Variants in EFCAB5 observed in about 807,000 individuals in gnomAD.
EFCAB5 encodes the protein EF-hand calcium binding domain 5, also known as EF-hand calcium-binding domain-containing protein 5.
A neutral mutation model predicts 167.9 loss-of-function variants in EFCAB5; 131 were observed. The ratio of observed to expected loss-of-function variants is 0.78; its 90% confidence interval spans 0.68 to 0.90. EFCAB5 has a LOEUF of 0.90. EFCAB5 is among the 40% of genes least tolerant of loss of function. EFCAB5 has a pLI of 0.00. For missense variants in EFCAB5, 1,663 were observed against 1,745.2 expected (o/e 0.95, Z 0.84); for synonymous variants, 574 against 602.8 (o/e 0.95, Z 0.70).
Position 30,055,816 on chromosome 17 carries a change from C to T in EFCAB5, c.2195-72C>T. 4 of 1,510,488 alleles carry T rather than the reference C, an allele frequency of 2.6e-6. No homozygotes were observed. The South Asian group carries it at 4.9e-5, about 19-fold the overall frequency. 93.6% of individuals were successfully genotyped at this position (1,510,488 alleles called of 1,614,324 possible). A position where few individuals can be genotyped will look rare whatever the true frequency, so the allele number is the denominator to read the frequency against. ...TTCTATATGCAATGCATTTCTATCA[C>T]TTATTAACCTTAAAATAGCTAATGG... is the stretch of plus-strand genomic sequence containing the variant. On this transcript the variant is annotated intron_variant, in intron 10 of 22. Transcript: ENST00000394835.
In EFCAB5 at chr17:30,055,322, GAGGAAGGAAGGAAGGAAGGAAGGAAGGA is replaced by G. The variant is rs71138869; in HGVS notation, c.2195-530_2195-503del. Reference sequence around the variant, plus strand: ...GAAAGAAAGAAAGAAGAGAGAGAGAGAGGAAGGAAGGAAGGAAGGAAGGAAGGAAGGAAGGAAGGAAGGAAGGAAGGAA... The same window carrying G: ...GAAAGAAAGAAAGAAGAGAGAGAGAGAGGAAGGAAGGAAGGAAGGAAGGAA... On this transcript the variant is annotated intron_variant, in intron 10 of 22. Coordinates refer to ENST00000394835, the MANE Select transcript of EFCAB5 (RefSeq NM_198529.4). Among the ~76,000 whole-genome samples, 9 of 106,820 alleles carry G rather than the reference GAGGAAGGAAGGAAGGAAGGAAGGAAGGA, an allele frequency of 8.4e-5. No individual in the cohort carries two copies. In the South Asian group the frequency reaches 1.1e-3, roughly 13 times the overall value. The allele number at this position is 106,820 out of a possible 152,430, so 70.1% of individuals were successfully genotyped here.
chr17:30,074,577 G>A (rs375283464), intron 14 of EFCAB5: 5 of 152,258 alleles, frequency 3.3e-5, no homozygotes, highest in East Asian at 1.9e-4. Flanking sequence ...CACCTGGGCT[G>A]TTTCCAGTTC....
intron 22 of EFCAB5, among the ~76,000 whole-genome samples, chr17:30,096,916 G>A (rs2071303476): frequency 6.7e-6 from 1 of 148,444 alleles, no homozygotes; most frequent in African/African-American, 2.5e-5. Flanking sequence ...CTGACCTCAG[G>A]TGATCCACCT....
Position 30,057,792 on chromosome 17 carries a change from G to A in EFCAB5, c.2482G>A (p.Gly828Ser). The part of the protein sequence containing the change: ...QFVQLLETFV[G>S]EDAPLSVSET... Reference sequence around the variant, plus strand: ...TGTGCAACTCCTGGAGACATTTGTTGGTGAAGACGCTCCCTTGAGTGTCAG... The same window carrying A: ...TGTGCAACTCCTGGAGACATTTGTTAGTGAAGACGCTCCCTTGAGTGTCAG... Residue 828 changes from glycine (G) to serine (S), a missense_variant, in exon 13 of 23, where the codon GGT (glycine) becomes AGT (serine). Gly to Ser is a moderately conservative substitution (Grantham distance 56). Coordinates refer to ENST00000394835, the MANE Select transcript of EFCAB5 (RefSeq NM_198529.4). The A allele has an allele frequency of 6.2e-7, 1 of 1,613,770 alleles. No homozygotes were observed. Among genetic ancestry groups the A allele is most frequent in the African/African-American group, 1.3e-5 (1 of 74,996 alleles).
At chr17:30,017,014 A>C (rs1440522762) in intron 7 of EFCAB5, among the ~76,000 whole-genome samples, 1 of 151,912 alleles carries the variant, frequency 6.6e-6, no homozygotes, top group East Asian at 1.9e-4. Context: ...CTGTCTCTAC[A>C]AAAAATTTAA....
At chr17:30,078,104 C>T (rs2070904709) in intron 14 of EFCAB5, 111 bp from the exon 15 acceptor site, 5 of 1,219,354 alleles carry the variant, frequency 4.1e-6, no homozygotes, top group Non-Finnish European at 5.6e-6. Flanking sequence ...CTTGGTTTTC[C>T]AGGAGAGCAG....
At chr17:30,057,612 ATTT>A in intron 12 of EFCAB5, 61 bp from the exon 13 acceptor site, 1 of 1,424,174 alleles carries the variant, frequency 7.0e-7, no homozygotes, top group Non-Finnish European at 9.8e-7. Context: ...ATAGGCACTC[ATTT>A]ATTTTCCCTA....
chr17:29,957,380 T>C (rs892219154), intron 3 of EFCAB5, among the ~76,000 whole-genome samples: 1 of 152,166 alleles, frequency 6.6e-6, no homozygotes, highest in Non-Finnish European at 1.5e-5. Context: ...GTTTGTTACA[T>C]AGGTAAACAT....
intron 3 of EFCAB5, among the ~76,000 whole-genome samples, chr17:29,967,366 A>G (rs1644806998): frequency 6.6e-6 from 1 of 152,210 alleles, no homozygotes; most frequent in Non-Finnish European, 1.5e-5. Context: ...TCTCTAGCCT[A>G]AACATCTATA....
intron 7 of EFCAB5, among the ~76,000 whole-genome samples, chr17:30,004,787 A>ATTTTTTTTTTTTTTT (rs60231360): frequency 1.7e-5 from 2 of 115,140 alleles, no homozygotes. Flanking sequence ...CTCCTGGCTA[A>ATTTTTTTTTTTTTTT]TTTTTTTTTT....
Position 30,080,902 on chromosome 17 carries a change from T to C in EFCAB5, c.3347T>C (p.Phe1116Ser), listed in dbSNP as rs1263182041. ...CTTCAAGATGCATATATGAGGATCT[T>C]TGGGGTCTTGGCTGTTGATACCCTT... ...LPLQDAYMRI[F>S]GVLAVDTLRD... Residue 1116 changes from phenylalanine (F) to serine (S), a missense_variant, in exon 17 of 23, where the codon TTT becomes TCT. By Grantham distance (155) the Phe-to-Ser change is radical. Transcript: ENST00000394835. The C allele has an allele frequency of 6.2e-7, 1 of 1,613,824 alleles. No homozygotes were observed. Among genetic ancestry groups the C allele is most frequent in the Non-Finnish European group, 8.5e-7 (1 of 1,179,848 alleles).
At position 29,941,635 on chromosome 17, in the gene EFCAB5, T is replaced by C; in HGVS notation, c.-162T>C. The C allele has an allele frequency of 1.8e-6, 1 of 560,934 alleles. No individual in the cohort carries two copies. The allele number at this position is 560,934 out of a possible 1,614,324, so 34.7% of individuals were successfully genotyped here. A position where few individuals can be genotyped will look rare whatever the true frequency, so the allele number is the denominator to read the frequency against. On this transcript the variant is annotated 5_prime_UTR_variant, in exon 1 of 23. Coordinates refer to ENST00000394835, the MANE Select transcript of EFCAB5 (RefSeq NM_198529.4). ...GAAAAGTTCAGCAGTTGAGAATTTA[T>C]CATTCAATAGAATTGTGGGGTGAGG...
intron 10 of EFCAB5, 51 bp downstream of exon 10, chr17:30,054,199 T>G (rs2070189457): frequency 2.1e-6 from 3 of 1,460,396 alleles, no homozygotes; most frequent in Non-Finnish European, 2.7e-6. Context: ...GTGGAATGGT[T>G]TTTAAAGTCT....
chr17:29,990,729 A>T (rs930838243), intron 4 of EFCAB5, among the ~76,000 whole-genome samples: 3 of 152,176 alleles, frequency 2.0e-5, no homozygotes, highest in Non-Finnish European at 4.4e-5. Context: ...TTCCCTGTTG[A>T]TCTGGTGGGT....
intron 5 of EFCAB5, among the ~76,000 whole-genome samples, chr17:29,993,998 G>A (rs1249547249): frequency 6.6e-6 from 1 of 151,016 alleles, no homozygotes; most frequent in African/African-American, 2.4e-5. Flanking sequence ...CAGCTTCTTG[G>A]GTGGCTGAGG....
intron 7 of EFCAB5, among the ~76,000 whole-genome samples, chr17:30,001,072 G>A (rs574263183): frequency 1.3e-5 from 2 of 152,206 alleles, no homozygotes; most frequent in Non-Finnish European, 2.9e-5. Context: ...GGAAACTCCA[G>A]TAAGGATTCT....
chr17:30,027,096 C>T (rs1270106711), intron 7 of EFCAB5, among the ~76,000 whole-genome samples: 3 of 147,324 alleles, frequency 2.0e-5, no homozygotes, highest in Non-Finnish European at 4.5e-5. Flanking sequence ...ATGCCTTTCT[C>T]CTGCCTCAGC....
chr17:30,030,750 T>G (rs940166001), intron 7 of EFCAB5, among the ~76,000 whole-genome samples: 1 of 151,880 alleles, frequency 6.6e-6, no homozygotes, highest in Non-Finnish European at 1.5e-5. Flanking sequence ...CTTGAACTAC[T>G]GGGTTCAAGT....
intron 14 of EFCAB5, among the ~76,000 whole-genome samples, chr17:30,064,291 A>C (rs2070503443): frequency 6.6e-6 from 1 of 152,342 alleles, no homozygotes; most frequent in East Asian, 1.9e-4. Flanking sequence ...TCCTCATATG[A>C]ATGAGAAATT....
Sources: gnomAD v4.1 joint callset for allele counts (sites outside exome capture counted in the v4.1 genomes callset) on GRCh38, gnomAD v4.1.1 for gene constraint, MANE v1.5 for transcripts, NCBI Gene and HGNC (gene_info 2026-07-23, HGNC 2026-07-21) for gene names.